SLC22A24: variants seen among roughly 807,000 people sequenced by gnomAD.
The protein encoded by SLC22A24 is steroid transmembrane transporter SLC22A24.
SLC22A24 carries 53 observed loss-of-function variants against 49.8 expected under a neutral mutation model. That is an observed-to-expected ratio of 1.06 (90% CI 0.85 to 1.34). The LOEUF is 1.34. SLC22A24 is among the 40% of genes most tolerant of loss of function. The pLI is 0.00. For missense variants in SLC22A24, 786 were observed against 675.9 expected (o/e 1.16, Z -1.81); for synonymous variants, 302 against 256.4 (o/e 1.18, Z -1.70).
chr11:63,099,726 A>G (rs534452741), intron 5 of SLC22A24, among the ~76,000 whole-genome samples: 152 of 152,154 alleles, frequency 1.0e-3, no homozygotes, highest in Non-Finnish European at 7.2e-4. Context: ...ACTGTTTTTC[A>G]CGGCCAGGCA....
At chr11:63,107,919 C>A (rs1337268220) in intron 4 of SLC22A24, among the ~76,000 whole-genome samples, 2 of 152,030 alleles carry the variant, frequency 1.3e-5, no homozygotes, top group Admixed American at 6.6e-5. Context: ...ATTGAATACC[C>A]TTTATTTCCT....
chr11:63,087,077 G>GAC (rs2086992120), intron 6 of SLC22A24, among the ~76,000 whole-genome samples: 1 of 151,098 alleles, frequency 6.6e-6, no homozygotes, highest in South Asian at 2.1e-4. Flanking sequence ...GAGAGAGAGA[G>GAC]AGAGAGAAAC....
At chr11:63,118,476 G>T in intron 4 of SLC22A24, 1 of 206,718 alleles carries the variant, frequency 4.8e-6, no homozygotes, top group South Asian at 1.6e-4. Flanking sequence ...CCCTGAAGTC[G>T]CCCCCATCCT....
At chr11:63,136,553 T>A (rs1025320256) in intron 1 of SLC22A24, among the ~76,000 whole-genome samples, 1 of 152,210 alleles carries the variant, frequency 6.6e-6, no homozygotes, top group Non-Finnish European at 1.5e-5. Flanking sequence ...TTCAAACATC[T>A]CAACAACTGT....
At position 63,091,132 on chromosome 11, in the gene SLC22A24, C is replaced by T. The variant is rs149076378; in HGVS notation, c.1070+4859G>A. On this transcript the variant is annotated intron_variant, in intron 6 of 9. Coordinates refer to ENST00000612278, the MANE Select transcript of SLC22A24 (RefSeq NM_001136506.2). ...TCAAAGAATACTATAAACACCTCTA[C>T]GCAAATAAACTAGAAAATCTAGAAG... Among the ~76,000 whole-genome samples the T allele has an allele frequency of 6.6e-3, 1,001 of 152,220 alleles. 11 individuals carry two copies. The highest frequency in any genetic ancestry group is 0.023 in the African/African-American group (949 of 41,536).
chr11:63,143,982 T>C lies in SLC22A24; in HGVS notation c.-203A>G. On this transcript the variant is annotated 5_prime_UTR_variant, in exon 1 of 10. Coordinates refer to ENST00000612278, the MANE Select transcript of SLC22A24 (RefSeq NM_001136506.2). ...GGACTTTCCCCAAGTCCTTTAACTT[T>C]AGGCAGCCAAATAGTTTCAGAAGTC... 1 of 395,870 alleles carries C rather than the reference T, an allele frequency of 2.5e-6. No individual in the cohort carries two copies. The highest frequency in any genetic ancestry group is 4.4e-6 in the Non-Finnish European group (1 of 227,060). 24.5% of individuals were successfully genotyped at this position (395,870 alleles called of 1,614,324 possible). A position where few individuals can be genotyped will look rare whatever the true frequency, so the allele number is the denominator to read the frequency against.
intron 6 of SLC22A24, among the ~76,000 whole-genome samples, chr11:63,095,002 A>G (rs2087044645): frequency 1.3e-5 from 2 of 151,930 alleles, no homozygotes; most frequent in African/African-American, 2.4e-5. Flanking sequence ...CCCATTTGTC[A>G]ATTTTGGCTT....
At chr11:63,086,349 G>A (rs1281078313) in intron 6 of SLC22A24, among the ~76,000 whole-genome samples, 1 of 152,158 alleles carries the variant, frequency 6.6e-6, no homozygotes, top group Non-Finnish European at 1.5e-5. Context: ...GGAATACTAT[G>A]CAGCCATAAA....
At chr11:63,106,759 C>T (rs1211879441) in intron 4 of SLC22A24, among the ~76,000 whole-genome samples, 1 of 152,114 alleles carries the variant, frequency 6.6e-6, no homozygotes, top group Admixed American at 6.6e-5. Flanking sequence ...ATCCTTCACC[C>T]ACTTTTTGAT....
intron 4 of SLC22A24, among the ~76,000 whole-genome samples, chr11:63,111,496 G>A (rs904877816): frequency 2.6e-5 from 4 of 151,942 alleles, no homozygotes; most frequent in African/African-American, 7.3e-5. Context: ...TTTTTGGTTG[G>A]TAAGCTATTG....
At chr11:63,095,518 G>A (rs77462756) in intron 6 of SLC22A24, among the ~76,000 whole-genome samples, 3,309 of 152,188 alleles carry the variant, frequency 0.022, 102 homozygotes, top group African/African-American at 0.072. Context: ...TGCAGGGATA[G>A]CAGTAAGTAC....
chr11:63,093,600 C>A (rs1051881261), intron 6 of SLC22A24, among the ~76,000 whole-genome samples: 1 of 152,066 alleles, frequency 6.6e-6, no homozygotes, highest in African/African-American at 2.4e-5. Context: ...AAACAGAAAA[C>A]AAAATCCTGC....
chr11:63,084,309 A>G (rs1341932082), intron 6 of SLC22A24, among the ~76,000 whole-genome samples: 1 of 152,150 alleles, frequency 6.6e-6, no homozygotes, highest in Non-Finnish European at 1.5e-5. Context: ...AGGTAAATAT[A>G]CTTCCAGTAA....
chr11:63,094,591 C>G (rs936133596), intron 6 of SLC22A24, among the ~76,000 whole-genome samples: 1 of 152,122 alleles, frequency 6.6e-6, no homozygotes, highest in African/African-American at 2.4e-5. Flanking sequence ...GTTTACAGTC[C>G]CACCAACAGT....
At chr11:63,112,408 T>A (rs1299467523) in intron 4 of SLC22A24, among the ~76,000 whole-genome samples, 8 of 152,168 alleles carry the variant, frequency 5.3e-5, no homozygotes, top group African/African-American at 1.7e-4. Flanking sequence ...GTATCCTTGT[T>A]AACTTTCTGT....
chr11:63,091,266 G>A (rs2087018970), intron 6 of SLC22A24, among the ~76,000 whole-genome samples: 1 of 152,172 alleles, frequency 6.6e-6, no homozygotes, highest in Non-Finnish European at 1.5e-5. Flanking sequence ...GTGAGTAATA[G>A]CCTACCAACC....
intron 2 of SLC22A24, among the ~76,000 whole-genome samples, chr11:63,122,711 G>C: frequency 6.6e-6 from 1 of 151,938 alleles, no homozygotes; most frequent in East Asian, 1.9e-4. Flanking sequence ...TAGTAGAGAC[G>C]GGGTTTCAGC....
rs1310046577 is a variant in SLC22A24 at position 63,083,374 on chromosome 11, C to T, written c.1154G>A (p.Cys385Tyr). ...TCTGGCTGTGAATGTGACAGCTCCACAGAGAATCTGGAACAGGGAGACATT... is the reference window on the plus strand; with the variant it reads ...TCTGGCTGTGAATGTGACAGCTCCATAGAGAATCTGGAACAGGGAGACATT... ...GSNVSLFQIL[C>Y]GAVTFTARCV... The change falls in exon 7 of 10, where the codon TGT (cysteine) becomes TAT (tyrosine). Residue 385 changes from cysteine (C) to tyrosine (Y), a missense_variant. Cys to Tyr is a radical substitution (Grantham distance 194, BLOSUM62 -2). Transcript: ENST00000612278. The T allele has an allele frequency of 3.9e-6, 6 of 1,552,096 alleles. No homozygotes were observed. Among genetic ancestry groups the T allele is most frequent in the Admixed American group, 2.0e-5 (1 of 51,018 alleles).
chr11:63,128,711 C>G (rs953203843), intron 2 of SLC22A24, among the ~76,000 whole-genome samples: 15 of 152,298 alleles, frequency 9.8e-5, no homozygotes, highest in Admixed American at 8.5e-4. Context: ...GGGAAGGGCC[C>G]CCGTCCAGTG....
Sources: allele counts gnomAD v4.1 joint callset (sites outside exome capture counted in the v4.1 genomes callset), GRCh38; gene constraint gnomAD v4.1.1; transcripts MANE v1.5; gene names NCBI Gene and HGNC (gene_info 2026-07-23, HGNC 2026-07-21).